The following CAMK4 variants were observed in gnomAD, a reference collection of about 807,000 sequenced individuals.
CAMK4 encodes calcium/calmodulin dependent protein kinase IV.
Under a neutral mutation model 44.9 loss-of-function variants are expected in CAMK4, and 22 were observed. That is an observed-to-expected ratio of 0.49 (90% CI 0.35 to 0.70). The LOEUF is 0.70. Among genes scored for constraint, CAMK4 ranks in the 30% least tolerant of loss-of-function variants. The pLI is 0.01. For missense variants in CAMK4, 498 were observed against 586.8 expected (o/e 0.85, Z 1.56); for synonymous variants, 218 against 215.4 (o/e 1.01, Z -0.11).
At chr5:111,311,311 C>T (rs1196363084) in intron 1 of CAMK4, among the ~76,000 whole-genome samples, 1 of 152,230 alleles carries the variant, frequency 6.6e-6, no homozygotes, top group Non-Finnish European at 1.5e-5. Flanking sequence ...TCACCACCTG[C>T]ACACTTGCTG....
intron 1 of CAMK4, among the ~76,000 whole-genome samples, chr5:111,241,029 A>G (rs764441450): frequency 6.6e-6 from 1 of 152,186 alleles, no homozygotes; most frequent in African/African-American, 2.4e-5. Context: ...TCACAGGATT[A>G]TTGCAAAGAT....
intron 1 of CAMK4, among the ~76,000 whole-genome samples, chr5:111,312,198 C>G (rs759879831): frequency 6.6e-6 from 1 of 152,072 alleles, no homozygotes; most frequent in Non-Finnish European, 1.5e-5. Flanking sequence ...ACCTTAAGAC[C>G]AAAGTGGAGG....
intron 1 of CAMK4, among the ~76,000 whole-genome samples, chr5:111,341,592 A>C (rs565008180): frequency 6.6e-6 from 1 of 151,432 alleles, no homozygotes; most frequent in East Asian, 1.9e-4. Flanking sequence ...ATACACCAAG[A>C]ATTACATGAA....
chr5:111,244,933 T>G (rs1749165547), intron 1 of CAMK4, among the ~76,000 whole-genome samples: 1 of 152,172 alleles, frequency 6.6e-6, no homozygotes, highest in African/African-American at 2.4e-5. Context: ...TGTTTCTAAC[T>G]TTCTGACTCT....
intron 7 of CAMK4, among the ~76,000 whole-genome samples, chr5:111,463,364 G>C (rs168758): frequency 0.65 from 98,288 of 152,082 alleles, 34,581 homozygotes; most frequent in Non-Finnish European, 0.79. Flanking sequence ...CACAGACCCT[G>C]TGTATAGGAA....
Position 111,488,967 on chromosome 5 carries a change from C to T in CAMK4, c.*4501C>T, listed in dbSNP as rs1755723452. 1 of 152,076 alleles carries T rather than the reference C, an allele frequency of 6.6e-6. No homozygotes were observed. The highest frequency in any genetic ancestry group is 1.9e-4 in the East Asian group (1 of 5,194). The allele number at this position is 152,076 out of a possible 1,614,324, so 9.4% of individuals were successfully genotyped here. ...TTTGTAATTTCCTTGTAATTCCTGC[C>T]TATTAGTCCATATTCTGATTTCCTT... On this transcript the variant is annotated 3_prime_UTR_variant, in exon 11 of 11. Transcript: ENST00000282356.
At chr5:111,264,066 G>A (rs548612809) in intron 1 of CAMK4, among the ~76,000 whole-genome samples, 9 of 152,182 alleles carry the variant, frequency 5.9e-5, no homozygotes, top group African/African-American at 1.2e-4. Context: ...TTCTCTCTCC[G>A]TGGACAGTTT....
chr5:111,297,918 A>C (rs1337639702), intron 1 of CAMK4, among the ~76,000 whole-genome samples: 1 of 152,220 alleles, frequency 6.6e-6, no homozygotes, highest in Non-Finnish European at 1.5e-5. Flanking sequence ...TTAGACACAC[A>C]GGATTTGCGT....
At chr5:111,423,139 C>G (rs1218044923) in intron 5 of CAMK4, among the ~76,000 whole-genome samples, 3 of 152,162 alleles carry the variant, frequency 2.0e-5, no homozygotes, top group Non-Finnish European at 4.4e-5. Flanking sequence ...TCCATGGTTT[C>G]TAAAGGAAAA....
intron 1 of CAMK4, among the ~76,000 whole-genome samples, chr5:111,281,513 CT>C (rs1383881111): frequency 1.3e-5 from 2 of 152,246 alleles, no homozygotes; most frequent in East Asian, 3.9e-4. Flanking sequence ...TCATTCCTCT[CT>C]CTCTAGAAGG....
chr5:111,233,917 G>T (rs1021483479), intron 1 of CAMK4, among the ~76,000 whole-genome samples: 1 of 152,122 alleles, frequency 6.6e-6, no homozygotes, highest in Non-Finnish European at 1.5e-5. Flanking sequence ...CGTAGCCAGG[G>T]TATGTGTAAT....
At chr5:111,465,362 G>A (rs183274505) in intron 7 of CAMK4, among the ~76,000 whole-genome samples, 30 of 151,748 alleles carry the variant, frequency 2.0e-4, no homozygotes, top group Admixed American at 1.6e-3. Flanking sequence ...TAAGAGCAGA[G>A]CTAAATGAAA....
chr5:111,471,851 C>T (rs1755076781), intron 7 of CAMK4, among the ~76,000 whole-genome samples: 1 of 152,048 alleles, frequency 6.6e-6, no homozygotes, highest in South Asian at 2.1e-4. Flanking sequence ...TATGGTAAAT[C>T]CACAGTCCCA....
chr5:111,265,567 C>A (rs550770843), intron 1 of CAMK4, among the ~76,000 whole-genome samples: 1 of 152,258 alleles, frequency 6.6e-6, no homozygotes, highest in Admixed American at 6.5e-5. Flanking sequence ...TTTATTAAGG[C>A]TTTATCCAGC....
intron 1 of CAMK4, among the ~76,000 whole-genome samples, chr5:111,325,995 T>A (rs1375104000): frequency 6.6e-6 from 1 of 152,080 alleles, no homozygotes; most frequent in South Asian, 2.1e-4. Flanking sequence ...GCATTGAATG[T>A]TTTTTAAAAA....
intron 1 of CAMK4, among the ~76,000 whole-genome samples, chr5:111,299,544 T>A (rs306130): frequency 0.011 from 1,639 of 152,364 alleles, 32 homozygotes; most frequent in African/African-American, 0.038. Flanking sequence ...TTAATAATTT[T>A]ATATTGTTTA....
intron 5 of CAMK4, among the ~76,000 whole-genome samples, chr5:111,418,472 A>G (rs1479570090): frequency 6.6e-6 from 1 of 151,526 alleles, no homozygotes; most frequent in African/African-American, 2.4e-5. Context: ...TTTAAGTTTT[A>G]GGGTACATGT....
rs1326845815 is a variant in CAMK4, at chr5:111,460,268, TTTC to T, written c.625+11068_625+11070del. ...TGTTTTTCTTTTCTTTTCTTTTCTTTTTCTTTTTTTTTTTTTTGAGGCAGAGTC... is the reference window on the plus strand; with the variant it reads ...TGTTTTTCTTTTCTTTTCTTTTCTTTTTTTTTTTTTTTTTGAGGCAGAGTC... On this transcript the variant is annotated intron_variant, in intron 7 of 10. Transcript: ENST00000282356. Among the ~76,000 whole-genome samples, 88 of 135,078 alleles carry T rather than the reference TTTC, an allele frequency of 6.5e-4. 1 individual carries two copies. The highest frequency in any genetic ancestry group is 4.5e-3 in the Admixed American group (63 of 13,942). 88.6% of individuals were successfully genotyped at this position (135,078 alleles called of 152,430 possible).
chr5:111,348,570 G>C (rs796970438), intron 2 of CAMK4, among the ~76,000 whole-genome samples: 9 of 151,984 alleles, frequency 5.9e-5, no homozygotes, highest in African/African-American at 2.2e-4. Flanking sequence ...CAAAGAATTG[G>C]AATGCATTAA....
Sources: allele counts gnomAD v4.1 joint callset (sites outside exome capture counted in the v4.1 genomes callset), GRCh38; gene constraint gnomAD v4.1.1; transcripts MANE v1.5; gene names NCBI Gene and HGNC (gene_info 2026-07-23, HGNC 2026-07-21).